DOCK7: variants seen among roughly 807,000 people sequenced by gnomAD.
DOCK7 encodes dedicator of cytokinesis 7.
DOCK7 carries 138 observed loss-of-function variants against 271.0 expected under a neutral mutation model. That is an observed-to-expected ratio of 0.51 (90% CI 0.44 to 0.59). The LOEUF (loss-of-function observed/expected upper bound fraction) is 0.59. Among genes scored for constraint, DOCK7 ranks in the 20% least tolerant of loss-of-function variants. DOCK7 has a pLI of 0.00. For missense variants in DOCK7, 2,066 were observed against 2,592.4 expected (o/e 0.80, Z 4.41); for synonymous variants, 823 against 876.1 (o/e 0.94, Z 1.07).
At chr1:62,493,581 TTGTC>T (rs1462563454) in intron 40 of DOCK7, among the ~76,000 whole-genome samples, 40 of 152,342 alleles carry the variant, frequency 2.6e-4, no homozygotes, top group African/African-American at 9.4e-4. Context: ...CCCAATCTAT[TTGTC>T]TGGCCCACAG....
intron 14 of DOCK7, among the ~76,000 whole-genome samples, chr1:62,606,544 T>G (rs1032137943): frequency 6.6e-6 from 1 of 152,160 alleles, no homozygotes; most frequent in African/African-American, 2.4e-5. Context: ...TCTAATCCCC[T>G]TTGATCTCTC....
chr1:62,616,602 G>T (rs1652469487), intron 14 of DOCK7, among the ~76,000 whole-genome samples: 1 of 151,704 alleles, frequency 6.6e-6, no homozygotes, highest in South Asian at 2.1e-4. Context: ...GTCCAAACAA[G>T]TCTCTTAATT....
At chr1:62,526,655 C>A (rs947056505) in intron 31 of DOCK7, among the ~76,000 whole-genome samples, 6 of 152,064 alleles carry the variant, frequency 3.9e-5, no homozygotes, top group African/African-American at 1.4e-4. Flanking sequence ...TTAACAGCCC[C>A]AAAGTGGAAA....
At chr1:62,568,441 C>G (rs1646600144) in intron 18 of DOCK7, among the ~76,000 whole-genome samples, 1 of 148,422 alleles carries the variant, frequency 6.7e-6, no homozygotes, top group Admixed American at 6.9e-5. Context: ...GCTGGCATTA[C>G]AGGCACGTGC....
intron 16 of DOCK7, among the ~76,000 whole-genome samples, chr1:62,582,975 C>A (rs1017670608): frequency 6.6e-6 from 1 of 152,054 alleles, no homozygotes; most frequent in Non-Finnish European, 1.5e-5. Context: ...TCAGAGAATT[C>A]GATAGAAAAG....
At chr1:62,601,747 A>G in intron 14 of DOCK7, 1 of 1,462,492 alleles carries the variant, frequency 6.8e-7, no homozygotes, top group Non-Finnish European at 9.6e-7. Context: ...AATCTGATGT[A>G]ATAACATTTT....
intron 14 of DOCK7, among the ~76,000 whole-genome samples, chr1:62,596,031 T>C (rs1458894619): frequency 6.6e-6 from 1 of 152,212 alleles, no homozygotes; most frequent in African/African-American, 2.4e-5. Context: ...TAAAAAGCTA[T>C]TAACTTTATG....
At chr1:62,532,927 A>C (rs754879265) in intron 29 of DOCK7, among the ~76,000 whole-genome samples, 6 of 152,184 alleles carry the variant, frequency 3.9e-5, no homozygotes, top group Non-Finnish European at 7.3e-5. Flanking sequence ...GAACCTATAT[A>C]TGGCAACTAT....
intron 29 of DOCK7, among the ~76,000 whole-genome samples, chr1:62,532,753 C>G (rs1464571370): frequency 1.3e-5 from 2 of 152,102 alleles, no homozygotes; most frequent in African/African-American, 2.4e-5. Context: ...GAGGGCTGTT[C>G]AACATTGCTT....
intron 18 of DOCK7, among the ~76,000 whole-genome samples, chr1:62,565,940 C>A (rs12025714): frequency 0.13 from 19,064 of 152,180 alleles, 1,288 homozygotes; most frequent in South Asian, 0.25. Context: ...CATGAGTGAA[C>A]TCCCATTCAC....
intron 31 of DOCK7, 115 bp from the exon 32 acceptor site, chr1:62,514,013 T>C (rs1441048509): frequency 1.1e-6 from 1 of 912,158 alleles, no homozygotes; most frequent in Non-Finnish European, 1.6e-6. Context: ...AAAAATAATA[T>C]AATTAAAAAC....
chr1:62,533,500 A>G (rs1645242607), intron 29 of DOCK7, among the ~76,000 whole-genome samples: 1 of 152,104 alleles, frequency 6.6e-6, no homozygotes, highest in Non-Finnish European at 1.5e-5. Context: ...GGCGCCAAGC[A>G]GGGGTGGAAG....
At chr1:62,568,364 G>A (rs1326266488) in intron 18 of DOCK7, among the ~76,000 whole-genome samples, 6 of 150,298 alleles carry the variant, frequency 4.0e-5, no homozygotes, top group African/African-American at 1.5e-4. Context: ...GCAGTGGCAC[G>A]ATCTCAGCTC....
intron 43 of DOCK7, chr1:62,481,541 T>C (rs1248453569): frequency 6.6e-6 from 1 of 151,892 alleles, no homozygotes; most frequent in African/African-American, 2.4e-5. Flanking sequence ...TTCTTTTGAA[T>C]TAAAAAAAAA....
chr1:62,485,677 A>G, intron 43 of DOCK7: 1 of 985,410 alleles, frequency 1.0e-6, no homozygotes, highest in Non-Finnish European at 1.2e-6. Context: ...ACAATAGTAA[A>G]AGTGGGGAGT....
In DOCK7 at chr1:62,537,975, C is replaced by T. The variant is rs886943992; in HGVS notation, c.3387G>A (p.Glu1129=). 1.2e-6 allele frequency: 2 copies of T among 1,614,050 alleles called. No homozygotes were observed. Among genetic ancestry groups the T allele is most frequent in the Non-Finnish European group, 8.5e-7 (1 of 1,179,958 alleles). The change falls in exon 28 of 50, where the codon GAG becomes GAA. Residue 1129 remains glutamate (E), a synonymous_variant. Transcript: ENST00000635253. ...LDFLRIICSH[E]HYVTLNLPCS... The stretch of plus-strand genomic sequence containing the variant: ...AGGGTAAGTTTAATGTAACATAGTG[C>T]TCATGACTGCAGATGATTCGTAGAA...
intron 31 of DOCK7, among the ~76,000 whole-genome samples, chr1:62,515,494 T>C (rs957964610): frequency 6.6e-6 from 1 of 152,232 alleles, no homozygotes; most frequent in African/African-American, 2.4e-5. Context: ...ACCTATTTTT[T>C]AGAAATACAA....
At chr1:62,541,060 A>G (rs1397095077) in intron 25 of DOCK7, among the ~76,000 whole-genome samples, 1 of 151,900 alleles carries the variant, frequency 6.6e-6, no homozygotes, top group African/African-American at 2.4e-5. Context: ...ACTCTGGAAG[A>G]TCCTTTTCTC....
At chr1:62,605,527 T>C (rs940855873) in intron 14 of DOCK7, 1 of 152,454 alleles carries the variant, frequency 6.6e-6, no homozygotes, top group Non-Finnish European at 1.5e-5. Context: ...ATATATACTG[T>C]ATACATTTTA....
Sources: allele counts gnomAD v4.1 joint callset (sites outside exome capture counted in the v4.1 genomes callset), GRCh38; gene constraint gnomAD v4.1.1; transcripts MANE v1.5; gene names NCBI Gene and HGNC (gene_info 2026-07-23, HGNC 2026-07-21).